The following ATR variants were observed in gnomAD, a reference collection of about 807,000 sequenced individuals.
ATR encodes the protein ATR checkpoint kinase, also known as serine/threonine-protein kinase ATR.
Under a neutral mutation model 305.3 loss-of-function variants are expected in ATR, and 142 were observed. The observed-to-expected ratio is 0.47, with a 90% CI of 0.41 to 0.53. The LOEUF is 0.53. Ranked by LOEUF, ATR falls within the 20% of genes least tolerant of loss-of-function variation. The pLI is 0.00. For missense variants in ATR, 2,135 were observed against 3,133.1 expected (o/e 0.68, Z 7.60); for synonymous variants, 1,050 against 1,068.1 (o/e 0.98, Z 0.33).
chr3:142,553,193 G>A (rs751513357), intron 13 of ATR, 34 bp downstream of exon 13: 2 of 1,604,216 alleles, frequency 1.2e-6, no homozygotes, highest in South Asian at 1.1e-5. Context: ...AAGTACTGCT[G>A]TTGCCTATAG....
intron 1 of ATR, 112 bp from the exon 2 acceptor site, chr3:142,568,266 C>A: frequency 1.3e-6 from 1 of 777,860 alleles, no homozygotes; most frequent in Non-Finnish European, 2.2e-6. Flanking sequence ...TGTTGATATT[C>A]ACAGTATTCT....
intron 1 of ATR, among the ~76,000 whole-genome samples, chr3:142,573,781 C>G (rs761273340): frequency 1.3e-5 from 2 of 152,114 alleles, no homozygotes; most frequent in Non-Finnish European, 2.9e-5. Context: ...GTCTTTGAAA[C>G]CCACTGTGTA....
intron 41 of ATR, among the ~76,000 whole-genome samples, chr3:142,463,426 TCA>T (rs2071061384): frequency 6.6e-6 from 1 of 152,186 alleles, no homozygotes; most frequent in African/African-American, 2.4e-5. Context: ...AGACAGAATC[TCA>T]CTCTGTCACC....
intron 45 of ATR, among the ~76,000 whole-genome samples, chr3:142,455,408 G>C (rs1448525536): frequency 6.6e-6 from 1 of 151,988 alleles, no homozygotes; most frequent in Non-Finnish European, 1.5e-5. Flanking sequence ...AATCCAAGCT[G>C]ATTTTAAAAT....
intron 36 of ATR, among the ~76,000 whole-genome samples, chr3:142,483,538 A>T (rs1197230814): frequency 5.9e-5 from 9 of 152,184 alleles, no homozygotes; most frequent in Non-Finnish European, 1.0e-4. Flanking sequence ...ACTCCATTGC[A>T]ATAAAATATA....
intron 36 of ATR, among the ~76,000 whole-genome samples, chr3:142,477,032 G>A (rs936083850): frequency 3.3e-5 from 5 of 152,038 alleles, no homozygotes; most frequent in South Asian, 4.1e-4. Flanking sequence ...CAATCATGTC[G>A]TCTGCAAACA....
At chr3:142,525,031 C>T (rs754729951) in intron 21 of ATR, among the ~76,000 whole-genome samples, 3 of 152,060 alleles carry the variant, frequency 2.0e-5, no homozygotes, top group Non-Finnish European at 4.4e-5. Context: ...AAAAGAAAAA[C>T]GAAAAGACAT....
chr3:142,528,442 A>C (rs2033487920), intron 21 of ATR, among the ~76,000 whole-genome samples: 2 of 152,144 alleles, frequency 1.3e-5, no homozygotes, highest in African/African-American at 4.8e-5. Context: ...AGCATTAAAA[A>C]GTATCCATTT....
rs1440895000 is a variant in ATR, at chr3:142,549,568, T to C, written c.3082A>G (p.Ile1028Val). The C allele has an allele frequency of 6.2e-7, 1 of 1,612,096 alleles. No individual in the cohort carries two copies. The highest frequency in any genetic ancestry group is 2.2e-5 in the East Asian group (1 of 44,836). The change falls in exon 15 of 47, where the codon ATT becomes GTT. Residue 1028 changes from isoleucine (I) to valine (V), a missense_variant. Around this residue, in one of 9 missense-constraint regions of ATR, gnomAD observed 530 missense variants for 766.8 expected, o/e 0.69. Coordinates refer to ENST00000350721, the MANE Select transcript of ATR (RefSeq NM_001184.4). ...ATATATTTGAAGTTGTTTATTAAAA[T>C]CTCTCTACGATTGACATTTAATTGT... ...GKQLNVNRREILINNFKYIFS... is the reference protein window; with the variant it reads ...GKQLNVNRREVLINNFKYIFS...
intron 36 of ATR, among the ~76,000 whole-genome samples, chr3:142,481,962 A>G (rs898019554): frequency 1.3e-5 from 2 of 151,982 alleles, no homozygotes; most frequent in Admixed American, 6.6e-5. Context: ...AGCTGGGACC[A>G]CAGGTGTGCA....
chr3:142,528,639 A>C (rs112283501), intron 21 of ATR, among the ~76,000 whole-genome samples: 1,898 of 151,558 alleles, frequency 0.013, 44 homozygotes, highest in African/African-American at 0.043. Flanking sequence ...TTGTAAGCCA[A>C]TTTGTAAATT....
Position 142,560,290 on chromosome 3 carries a change from A to G in ATR, c.1514T>C (p.Val505Ala). The G allele has an allele frequency of 2.5e-6, 4 of 1,613,982 alleles. No individual in the cohort carries two copies. Among genetic ancestry groups the G allele is most frequent in the Non-Finnish European group, 3.4e-6 (4 of 1,179,928 alleles). The change falls in exon 6 of 47, where the codon GTT (valine) becomes GCT (alanine). Residue 505 changes from valine to alanine, a missense_variant. Val to Ala is a moderately conservative substitution (Grantham distance 64). This residue lies in a region of ATR where 744 missense variants were observed against 873.2 expected (regional missense o/e 0.85). Transcript: ENST00000350721. ...GTTCATGTTTTGATGAGAACAATGAACAGTACACAGAGCAGTCAGTTGTAA... is the reference window on the plus strand; with the variant it reads ...GTTCATGTTTTGATGAGAACAATGAGCAGTACACAGAGCAGTCAGTTGTAA... ...VVLQLTALCT[V>A]HCSHQNMNCR...
chr3:142,527,421 T>C (rs1472655468), intron 21 of ATR, among the ~76,000 whole-genome samples: 1 of 152,172 alleles, frequency 6.6e-6, no homozygotes, highest in African/African-American at 2.4e-5. Context: ...AGCTTTCTAT[T>C]TCAGCTAGAG....
chr3:142,462,434 A>G (rs942634797), intron 41 of ATR, among the ~76,000 whole-genome samples: 1 of 151,782 alleles, frequency 6.6e-6, no homozygotes, highest in Non-Finnish European at 1.5e-5. Flanking sequence ...TATTACTGAA[A>G]CATTAAGTCT....
At chr3:142,468,600 T>C (rs1265551480) in intron 38 of ATR, among the ~76,000 whole-genome samples, 1 of 152,202 alleles carries the variant, frequency 6.6e-6, no homozygotes, top group Non-Finnish European at 1.5e-5. Flanking sequence ...TTTATGTCTC[T>C]GTATTGTCTA....
chr3:142,515,383 A>G lies in ATR; in HGVS notation c.4503+12T>C. 2 of 1,613,742 alleles carry G rather than the reference A, an allele frequency of 1.2e-6. No individual in the cohort carries two copies. Among genetic ancestry groups the G allele is most frequent in the Non-Finnish European group, 1.7e-6 (2 of 1,179,788 alleles). ...TTTCCATTCAGTTAACAAACTGAAC[A>G]GGGTTTCTTACCTTTGTAATAAGAT... On this transcript the variant is annotated intron_variant, in intron 25 of 46. Transcript: ENST00000350721.
chr3:142,496,420 C>A lies in ATR; in HGVS notation c.5839G>T (p.Ala1947Ser). ...AGTTCAGCGAGTCGTGATTCCCCTG[C>A]ATTAAGGAGAGCATTGTAGGCTGTC... ...HQTAYNALLN[A>S]GESRLAELYV... The change falls in exon 34 of 47, where the codon GCA (alanine) becomes TCA (serine). Residue 1947 changes from alanine to serine, a missense_variant. By Grantham distance (99) the Ala-to-Ser change is moderately conservative. This residue lies in a region of ATR where 462 missense variants were observed against 887.6 expected (regional missense o/e 0.52). Transcript: ENST00000350721. 1.9e-6 allele frequency: 3 copies of A among 1,608,556 alleles called. No homozygotes were observed. Among genetic ancestry groups the A allele is most frequent in the Non-Finnish European group, 2.5e-6 (3 of 1,178,384 alleles).
chr3:142,528,879 ATTTTTT>A (rs1170239080), intron 21 of ATR, among the ~76,000 whole-genome samples: 4 of 30,488 alleles, frequency 1.3e-4, no homozygotes, highest in African/African-American at 9.8e-4. Flanking sequence ...ATATATATAT[ATTTTTT>A]TTTTTTTTTT....
At chr3:142,568,238 A>T in intron 1 of ATR, 84 bp from the exon 2 acceptor site, 5 of 990,190 alleles carry the variant, frequency 5.0e-6, no homozygotes, top group Non-Finnish European at 7.9e-6. Flanking sequence ...AGAACTCATC[A>T]AATGTGTTCA....
Sources: allele counts gnomAD v4.1 joint callset (sites outside exome capture counted in the v4.1 genomes callset), GRCh38; gene constraint gnomAD v4.1.1; regional missense constraint gnomAD v4.1.1; transcripts MANE v1.5; gene names NCBI Gene and HGNC (gene_info 2026-07-23, HGNC 2026-07-21).